Variants in GALM observed in about 807,000 individuals in gnomAD.
GALM encodes aldose 1-epimerase.
GALM carries 43 observed loss-of-function variants against 37.4 expected under a neutral mutation model. The ratio of observed to expected loss-of-function variants is 1.15; its 90% CI spans 0.90 to 1.48. The LOEUF (loss-of-function observed/expected upper bound fraction) is 1.48, where lower values mean the gene tolerates loss of function less well. Among genes scored for constraint, GALM ranks in the 40% most tolerant of loss-of-function variants. The pLI is 0.00. For missense variants in GALM, 456 were observed against 419.1 expected, an observed-to-expected ratio of 1.09 and a Z score of -0.77; for synonymous variants, 199 against 170.6, an observed-to-expected ratio of 1.17 and a Z score of -1.30.
rs199866658 is a variant in GALM, at chr2:38,720,412, G to GT, written c.635-9142dup. 3.7e-3 allele frequency among the ~76,000 whole-genome samples: 378 copies of GT among 101,040 alleles called. 94 individuals carry two copies. The highest frequency in any genetic ancestry group is 4.3e-3 in the Non-Finnish European group (232 of 53,636). The allele number at this position is 101,040 out of a possible 152,430, so 66.3% of individuals were successfully genotyped here. On this transcript the variant is annotated intron_variant, in intron 4 of 6. Transcript: ENST00000272252. ...TATAATCACGTGAAGGCACTTCTAT[G>GT]TTAAAAAAAAAAAAAAAAAAAAAAA...
At chr2:38,730,510 C>G (rs1174479812) in intron 5 of GALM, among the ~76,000 whole-genome samples, 1 of 152,082 alleles carries the variant, frequency 6.6e-6, no homozygotes. Context: ...TGTAATCCAC[C>G]CACCTCGGCC....
chr2:38,718,190 T>C lies in GALM; in HGVS notation c.635-11366T>C, dbSNP rs529486389. Among the ~76,000 whole-genome samples the C allele has an allele frequency of 3.8e-5, 4 of 106,644 alleles. No individual in the cohort carries two copies. The South Asian group carries it at 1.7e-3, about 44-fold the overall frequency. The allele number at this position is 106,644 out of a possible 152,430, so 70.0% of individuals were successfully genotyped here. ...ATATTTGTACAAGTATTTCTTTTTT[T>C]CTTTTCTTTTTTTTTTTTTTTCTTT... On this transcript the variant is annotated intron_variant, in intron 4 of 6. Transcript: ENST00000272252.
chr2:38,681,708 G>A lies in GALM; in HGVS notation c.552+222G>A, dbSNP rs552277203. Among the ~76,000 whole-genome samples the A allele has an allele frequency of 9.2e-5, 14 of 152,336 alleles. No homozygotes were observed. In the South Asian group the frequency reaches 1.0e-3, roughly 11 times the overall value. On this transcript the variant is annotated intron_variant, in intron 3 of 6. Transcript: ENST00000272252. Reference sequence around the variant, plus strand: ...CTGCCAAGAGAAGTACCTGTTTCCCGTTTGCTTCAGACAAGTAACTAGCTG... The same window carrying A: ...CTGCCAAGAGAAGTACCTGTTTCCCATTTGCTTCAGACAAGTAACTAGCTG...
chr2:38,726,402 AT>A (rs1666487213), intron 4 of GALM, among the ~76,000 whole-genome samples: 1 of 150,388 alleles, frequency 6.6e-6, no homozygotes, highest in South Asian at 2.1e-4. Context: ...AATTTTTTGT[AT>A]TTTTAGTAGA....
At chr2:38,687,530 T>G (rs1039596369) in intron 3 of GALM, among the ~76,000 whole-genome samples, 5 of 151,882 alleles carry the variant, frequency 3.3e-5, no homozygotes, top group Admixed American at 1.3e-4. Flanking sequence ...GCCAACATGG[T>G]GAAACCCCAT....
At chr2:38,685,078 C>T (rs2148431804) in intron 3 of GALM, among the ~76,000 whole-genome samples, 1 of 152,270 alleles carries the variant, frequency 6.6e-6, no homozygotes, top group Non-Finnish European at 1.5e-5. Context: ...TTCCATTTTT[C>T]ATATCTCTAA....
intron 4 of GALM, among the ~76,000 whole-genome samples, chr2:38,718,027 G>T (rs1437260930): frequency 6.6e-6 from 1 of 150,742 alleles, no homozygotes; most frequent in East Asian, 2.0e-4. Flanking sequence ...GCAGAGACGG[G>T]GATCCTGCTA....
rs962462291 is a variant in GALM, at chr2:38,666,319, C to T, written c.158C>T (p.Ser53Leu). 6 of 1,613,262 alleles carry T rather than the reference C, an allele frequency of 3.7e-6. No homozygotes were observed. Among genetic ancestry groups the T allele is most frequent in the East Asian group, 2.2e-5 (1 of 44,800 alleles). Residue 53 changes from serine to leucine, a missense_variant, in exon 1 of 7, where the codon TCG becomes TTG. Ser to Leu is a moderately radical substitution (Grantham distance 145). Transcript: ENST00000272252. The part of the protein sequence containing the change: ...LEVKDRQGRA[S>L]DVVLGFAELE... ...GTCAAAGACAGGCAGGGGAGAGCCT[C>T]GGACGTGGTGCTTGGCTTCGCCGAG...
intron 4 of GALM, among the ~76,000 whole-genome samples, chr2:38,722,045 C>G (rs1372517556): frequency 1.2e-4 from 14 of 118,690 alleles, no homozygotes; most frequent in African/African-American, 3.8e-4. Flanking sequence ...CCCCCACCCC[C>G]CCCCCCCACC....
In GALM at chr2:38,731,904, A is replaced by T; in HGVS notation, c.946A>T (p.Asn316Tyr). 1 of 1,613,842 alleles carries T rather than the reference A, an allele frequency of 6.2e-7. No homozygotes were observed. Among genetic ancestry groups the T allele is most frequent in the Non-Finnish European group, 8.5e-7 (1 of 1,179,760 alleles). ...LETQNWPDAVNQPRFPPVLLR... is the reference protein window; with the variant it reads ...LETQNWPDAVYQPRFPPVLLR... The stretch of plus-strand genomic sequence containing the variant: ...GACTCAGAACTGGCCTGATGCAGTC[A>T]ATCAGGTAATGCCACAGGCTGGCTT... Residue 316 changes from asparagine (N) to tyrosine (Y), a missense_variant, in exon 6 of 7, where the codon AAT becomes TAT. Asn to Tyr is a moderately radical substitution (Grantham distance 143). Coordinates refer to ENST00000272252, the MANE Select transcript of GALM (RefSeq NM_138801.3).
At chr2:38,690,330 AT>A (rs1402495432) in intron 4 of GALM, among the ~76,000 whole-genome samples, 1 of 151,908 alleles carries the variant, frequency 6.6e-6, no homozygotes. Flanking sequence ...TTAAAAAAAA[AT>A]TTTTTTAATG....
chr2:38,730,868 C>T (rs1370288309), intron 5 of GALM, among the ~76,000 whole-genome samples: 1 of 150,910 alleles, frequency 6.6e-6, no homozygotes, highest in African/African-American at 2.4e-5. Flanking sequence ...TTGTAGTGAG[C>T]CGAGATCACG....
rs1010462800 is a variant in GALM at position 38,666,238 on chromosome 2, C to A, written c.77C>A (p.Ser26Ter). 1 of 1,614,072 alleles carries A rather than the reference C, an allele frequency of 6.2e-7. No homozygotes were observed. Among genetic ancestry groups the A allele is most frequent in the Admixed American group, 1.7e-5 (1 of 60,028 alleles). Residue 26 changes from serine (S) to a stop codon, truncating the protein, a stop_gained, in exon 1 of 7, where the codon TCA becomes TAA. Coordinates refer to ENST00000272252, the MANE Select transcript of GALM (RefSeq NM_138801.3). LOFTEE classifies it high-confidence loss of function. The part of the protein sequence containing the change: ...GGTVEKFQLQ[S>*]DLLRVDIISW... ...ACAGTGGAGAAGTTCCAGCTGCAGT[C>A]AGACCTCTTGAGAGTGGACATCATC...
intron 3 of GALM, among the ~76,000 whole-genome samples, chr2:38,682,779 C>T (rs186051607): frequency 5.7e-4 from 86 of 152,044 alleles, no homozygotes; most frequent in Non-Finnish European, 1.0e-3. Context: ...GCCTGTAATC[C>T]CAGCTATTCG....
intron 3 of GALM, chr2:38,682,395 A>G (rs1023959834): frequency 7.0e-6 from 2 of 287,204 alleles, no homozygotes; most frequent in Non-Finnish European, 7.9e-6. Context: ...CTACCGCAAG[A>G]TGGTGTTCAC....
At chr2:38,712,180 C>T (rs1412371435) in intron 4 of GALM, among the ~76,000 whole-genome samples, 1 of 152,160 alleles carries the variant, frequency 6.6e-6, no homozygotes, top group Non-Finnish European at 1.5e-5. Flanking sequence ...GTTCTGTCAT[C>T]CCAAGTGTAT....
intron 4 of GALM, among the ~76,000 whole-genome samples, chr2:38,718,010 G>GT (rs1666303746): frequency 6.7e-6 from 1 of 149,812 alleles, no homozygotes; most frequent in Non-Finnish European, 1.5e-5. Flanking sequence ...AATATTTTCT[G>GT]TTTTTTGCAG....
intron 4 of GALM, among the ~76,000 whole-genome samples, chr2:38,698,989 C>G (rs1016854948): frequency 2.0e-5 from 3 of 152,212 alleles, no homozygotes; most frequent in Non-Finnish European, 4.4e-5. Context: ...CCTCGGCTCA[C>G]TGCAACCTCC....
intron 1 of GALM, among the ~76,000 whole-genome samples, chr2:38,666,890 A>G (rs1343036207): frequency 6.6e-6 from 1 of 152,202 alleles, no homozygotes. Flanking sequence ...AACAAAATAG[A>G]GAAGACCAAC....
Sources: allele counts gnomAD v4.1 joint callset (sites outside exome capture counted in the v4.1 genomes callset), GRCh38; gene constraint gnomAD v4.1.1; transcripts MANE v1.5; gene names NCBI Gene and HGNC (gene_info 2026-07-23, HGNC 2026-07-21).